ANTXR2: variants seen among roughly 807,000 people sequenced by gnomAD.
ANTXR2 encodes the protein anthrax toxin receptor 2.
Under a neutral mutation model 73.7 loss-of-function variants are expected in ANTXR2, and 44 were observed. That is an observed-to-expected ratio of 0.60 (90% CI 0.47 to 0.77). The LOEUF (loss-of-function observed/expected upper bound fraction) is 0.77. Ranked by LOEUF, ANTXR2 falls within the 30% of genes least tolerant of loss-of-function variation. The pLI is 0.00. For missense variants in ANTXR2, 604 were observed against 592.5 expected, an observed-to-expected ratio of 1.02 and a Z score of -0.20; for synonymous variants, 217 against 205.9, an observed-to-expected ratio of 1.05 and a Z score of -0.46.
chr4:79,997,203 A>G (rs61567570), intron 12 of ANTXR2, among the ~76,000 whole-genome samples: 54,157 of 151,798 alleles, frequency 0.36, 12,041 homozygotes, highest in Non-Finnish European at 0.47. Context: ...TGATGCAATC[A>G]TATGTTCCAA....
chr4:79,995,204 A>T (rs1242675937), intron 12 of ANTXR2, among the ~76,000 whole-genome samples: 12 of 152,024 alleles, frequency 7.9e-5, no homozygotes, highest in Non-Finnish European at 1.2e-4. Flanking sequence ...CAAATTTCTT[A>T]ATGGCAATAA....
In ANTXR2 at chr4:80,072,474, C is replaced by A. The variant is rs748402141; in HGVS notation, c.87G>T (p.Gly29=). 1.9e-6 allele frequency: 3 copies of A among 1,609,210 alleles called. No individual in the cohort carries two copies. The highest frequency in any genetic ancestry group is 2.7e-5 in the African/African-American group (2 of 74,366). The stretch of plus-strand genomic sequence containing the variant: ...AGGGCTGCTCCTGGGCGCGCAGCAG[C>A]CCCCCGGGACCGCTGAGCACCAACA... The part of the protein sequence containing the change: ...LWLLVLSGPG[G]LLRAQEQPSC... The change falls in exon 1 of 17, where the codon GGG becomes GGT. Residue 29 remains glycine, a synonymous_variant. Transcript: ENST00000403729.
At chr4:80,003,134 C>T (rs1447685327) in intron 12 of ANTXR2, among the ~76,000 whole-genome samples, 1 of 152,024 alleles carries the variant, frequency 6.6e-6, no homozygotes, top group Non-Finnish European at 1.5e-5. Context: ...CGGCACTACA[C>T]ACAATAGCAA....
At chr4:79,977,485 T>C (rs1560928015) in intron 16 of ANTXR2, 136 bp downstream of exon 16, 2 of 1,455,762 alleles carry the variant, frequency 1.4e-6, no homozygotes, top group Non-Finnish European at 9.0e-7. Flanking sequence ...TTCTATGTAA[T>C]AGAAATCTAC....
chr4:79,950,768 C>T (rs1023840703), intron 16 of ANTXR2, among the ~76,000 whole-genome samples: 2 of 152,150 alleles, frequency 1.3e-5, no homozygotes, highest in Admixed American at 6.6e-5. Context: ...TGTGCATGTC[C>T]AAGCCTGACG....
At chr4:80,031,523 A>G in intron 10 of ANTXR2, 100 bp downstream of exon 10, 10 of 976,460 alleles carry the variant, frequency 1.0e-5, no homozygotes, top group South Asian at 1.9e-5. Context: ...TGCTCTGTAT[A>G]TCAAAAAAAG....
intron 16 of ANTXR2, among the ~76,000 whole-genome samples, chr4:79,929,933 T>G (rs1727993261): frequency 1.3e-5 from 2 of 152,158 alleles, no homozygotes; most frequent in African/African-American, 2.4e-5. Flanking sequence ...CTGGAACCAT[T>G]TAATCATTAC....
chr4:80,015,151 G>T (rs1023888188), intron 11 of ANTXR2, among the ~76,000 whole-genome samples: 1 of 152,118 alleles, frequency 6.6e-6, no homozygotes, highest in Non-Finnish European at 1.5e-5. Context: ...TCACTCACGA[G>T]ATGTGAAGCT....
At chr4:80,014,045 C>A (rs1336216341) in intron 11 of ANTXR2, among the ~76,000 whole-genome samples, 2 of 152,210 alleles carry the variant, frequency 1.3e-5, no homozygotes, top group East Asian at 3.9e-4. Context: ...CTCTCCCAGG[C>A]ATGTACTGCT....
At position 80,058,643 on chromosome 4, in the gene ANTXR2, G is replaced by A. The variant is rs990160313; in HGVS notation, c.297-2630C>T. ...GTGAAAAAGCAAAATAATGTGGTAG[G>A]TTAAAAACAGAAATCATTCATCCCC... On this transcript the variant is annotated intron_variant, in intron 3 of 16. Transcript: ENST00000403729. 2.7e-5 allele frequency among the ~76,000 whole-genome samples: 4 copies of A among 150,210 alleles called. No individual in the cohort carries two copies. In the East Asian group the frequency reaches 6.0e-4, roughly 23 times the overall value.
chr4:79,956,778 C>T (rs572852760), intron 16 of ANTXR2, among the ~76,000 whole-genome samples: 88 of 152,066 alleles, frequency 5.8e-4, no homozygotes, highest in African/African-American at 1.9e-3. Context: ...TATGCATGCG[C>T]GCGCACACAC....
intron 10 of ANTXR2, among the ~76,000 whole-genome samples, chr4:80,029,576 C>T (rs1662890786): frequency 6.6e-6 from 1 of 151,770 alleles, no homozygotes; most frequent in African/African-American, 2.4e-5. Context: ...AGAAACAAGA[C>T]AAAACGTGTC....
intron 3 of ANTXR2, among the ~76,000 whole-genome samples, chr4:80,059,325 T>C (rs1734138035): frequency 6.6e-6 from 1 of 151,050 alleles, no homozygotes; most frequent in Non-Finnish European, 1.5e-5. Context: ...AAACACCATA[T>C]ATATATATAT....
At chr4:79,930,317 C>T (rs1029592947) in intron 16 of ANTXR2, among the ~76,000 whole-genome samples, 9 of 151,810 alleles carry the variant, frequency 5.9e-5, no homozygotes, top group South Asian at 2.1e-4. Context: ...TATTTTAGAC[C>T]GTAGAAAGTG....
intron 12 of ANTXR2, among the ~76,000 whole-genome samples, chr4:80,006,963 G>A (rs1055484260): frequency 1.3e-5 from 2 of 152,006 alleles, no homozygotes; most frequent in African/African-American, 2.4e-5. Context: ...AAGAATGCTA[G>A]CCACCCTAAA....
intron 8 of ANTXR2, among the ~76,000 whole-genome samples, chr4:80,034,822 A>G (rs1341740932): frequency 6.6e-6 from 1 of 152,160 alleles, no homozygotes; most frequent in Non-Finnish European, 1.5e-5. Context: ...TAATATAGTC[A>G]TTAACTATGC....
chr4:79,922,708 T>G (rs892605116), intron 16 of ANTXR2, among the ~76,000 whole-genome samples: 2 of 151,934 alleles, frequency 1.3e-5, no homozygotes, highest in African/African-American at 4.8e-5. Flanking sequence ...TCAACATAAA[T>G]CCAAGAACAT....
intron 16 of ANTXR2, among the ~76,000 whole-genome samples, chr4:79,917,588 A>G (rs1578080827): frequency 1.3e-5 from 2 of 152,282 alleles, no homozygotes; most frequent in South Asian, 4.1e-4. Context: ...GATGAACTGT[A>G]ATGGAAAAAG....
At chr4:80,041,729 T>C (rs966004335) in intron 7 of ANTXR2, among the ~76,000 whole-genome samples, 5 of 152,152 alleles carry the variant, frequency 3.3e-5, no homozygotes, top group African/African-American at 9.6e-5. Context: ...TTTGGTTTTA[T>C]GTTCCTGCAT....
Sources: allele counts gnomAD v4.1 joint callset (sites outside exome capture counted in the v4.1 genomes callset), GRCh38; gene constraint gnomAD v4.1.1; transcripts MANE v1.5; gene names NCBI Gene and HGNC (gene_info 2026-07-23, HGNC 2026-07-21).